IFIT3: variants seen among roughly 807,000 people sequenced by gnomAD.
The protein encoded by IFIT3 is interferon-induced protein with tetratricopeptide repeats 3.
In IFIT3, 2 loss-of-function variants were observed where a neutral mutation model predicts 2.4. The ratio of observed to expected loss-of-function variants is 0.82; its 90% CI spans 0.34 to 2.60. IFIT3 has a LOEUF of 2.60. Among genes scored for constraint, IFIT3 ranks in the 30% most tolerant of loss-of-function variants. The probability of loss-of-function intolerance (pLI) is 0.11; values close to 1 mark genes in which losing one functional copy is unlikely to be tolerated. For missense variants in IFIT3, 481 were observed against 562.4 expected, an observed-to-expected ratio of 0.86 and a Z score of 1.46; for synonymous variants, 203 against 212.1, an observed-to-expected ratio of 0.96 and a Z score of 0.37.
In IFIT3 at chr10:89,339,003, T is replaced by C. The variant is rs1564792310; in HGVS notation, c.348T>C (p.Tyr116=). The C allele has an allele frequency of 6.2e-7, 1 of 1,614,162 alleles. No individual in the cohort carries two copies. The highest frequency in any genetic ancestry group is 1.1e-5 in the South Asian group (1 of 91,086). The part of the protein sequence containing the change: ...HLGRLSDAQI[Y]VDKVKQTCKK... ...GCAGACTCTCAGATGCTCAGATTTATGTAGATAAGGTGAAACAAACCTGCA... is the reference window on the plus strand; with the variant it reads ...GCAGACTCTCAGATGCTCAGATTTACGTAGATAAGGTGAAACAAACCTGCA... Residue 116 remains tyrosine, a synonymous_variant, in exon 2 of 2, where the codon TAT becomes TAC. Transcript: ENST00000371818.
At chr10:89,332,553 T>G in intron 1 of IFIT3, 2 of 1,613,724 alleles carry the variant, frequency 1.2e-6, no homozygotes, top group South Asian at 2.2e-5. Flanking sequence ...AGCATTTGCT[T>G]GGAATCAGTA....
At chr10:89,332,357 C>A in intron 1 of IFIT3, 1 of 713,422 alleles carries the variant, frequency 1.4e-6, no homozygotes, top group Non-Finnish European at 2.1e-6. Flanking sequence ...TGCCTTTTTA[C>A]AACTTTCAAA....
At chr10:89,336,113 A>C (rs1244577176) in intron 1 of IFIT3, among the ~76,000 whole-genome samples, 1 of 151,204 alleles carries the variant, frequency 6.6e-6, no homozygotes, top group Non-Finnish European at 1.5e-5. Flanking sequence ...CTGTCTCTGC[A>C]AAAAAAGGAA....
chr10:89,332,351 T>G (rs1051717012), intron 1 of IFIT3: 1 of 671,588 alleles, frequency 1.5e-6, no homozygotes, highest in African/African-American at 1.8e-5. Context: ...TTACAGTGCC[T>G]TTTTACAACT....
At chr10:89,331,403 C>T (rs1589603992) in intron 1 of IFIT3, among the ~76,000 whole-genome samples, 1 of 152,096 alleles carries the variant, frequency 6.6e-6, no homozygotes, top group Non-Finnish European at 1.5e-5. Context: ...GAACTCCTGA[C>T]CTTAAGTGAT....
At position 89,338,796 on chromosome 10, in the gene IFIT3, T is replaced by C; in HGVS notation, c.141T>C (p.Thr47=). 6.2e-7 allele frequency: 1 copy of C among 1,614,114 alleles called. No homozygotes were observed. Among genetic ancestry groups the C allele is most frequent in the Non-Finnish European group, 8.5e-7 (1 of 1,179,976 alleles). The change falls in exon 2 of 2, where the codon ACT becomes ACC. Residue 47 remains threonine, a synonymous_variant. Transcript: ENST00000371818. ...GTAACCAGATTGAATTTTTAAACAC[T>C]GAGTTCAAAGCTACAATGTACAACT... ...RVCNQIEFLN[T]EFKATMYNLL...
intron 1 of IFIT3, chr10:89,332,618 C>A (rs756847003): frequency 6.2e-7 from 1 of 1,613,984 alleles, no homozygotes; most frequent in Non-Finnish European, 8.5e-7. Flanking sequence ...AGGGAAACAG[C>A]CATCATGAGG....
At chr10:89,331,272 A>C (rs933517503) in intron 1 of IFIT3, among the ~76,000 whole-genome samples, 3 of 152,144 alleles carry the variant, frequency 2.0e-5, no homozygotes, top group Non-Finnish European at 4.4e-5. Flanking sequence ...TCCTGGGCTC[A>C]AGGGATTCTC....
rs116903123 is a variant in IFIT3, at chr10:89,330,451, C to T, written c.5+2373C>T. The stretch of plus-strand genomic sequence containing the variant: ...ATCTTAATGCTTTCAACTATGCTCA[C>T]TTTAGAGAGGGGGCCAGGGATGGGC... On this transcript the variant is annotated intron_variant, in intron 1 of 1. Transcript: ENST00000371818. Among the ~76,000 whole-genome samples the T allele has an allele frequency of 1.7e-3, 260 of 152,270 alleles. 4 individuals carry two copies. In the East Asian group the frequency reaches 0.043, roughly 25 times the overall value.
chr10:89,334,507 TTTTTTTG>T, intron 1 of IFIT3, among the ~76,000 whole-genome samples: 1 of 104,752 alleles, frequency 9.5e-6, no homozygotes, highest in Non-Finnish European at 1.9e-5. Context: ...TTTTTTTTTT[TTTTTTTG>T]AGACGGAGTT....
chr10:89,331,858 CAAAAAAA>C lies in IFIT3; in HGVS notation c.5+3797_5+3803del, dbSNP rs10540155. On this transcript the variant is annotated intron_variant, in intron 1 of 1. Coordinates refer to ENST00000371818, the MANE Select transcript of IFIT3 (RefSeq NM_001549.6). ...TGGATGACAGAGTGAGATCCTGTCTCAAAAAAAAAAAAAAAAAAAAAAAGTAACAATC... is the reference window on the plus strand; with the variant it reads ...TGGATGACAGAGTGAGATCCTGTCTCAAAAAAAAAAAAAAAAGTAACAATC... 1.6e-3 allele frequency among the ~76,000 whole-genome samples: 126 copies of C among 80,618 alleles called. 1 individual carries two copies. The highest frequency in any genetic ancestry group is 4.7e-3 in the African/African-American group (106 of 22,706). The allele number at this position is 80,618 out of a possible 152,430, so 52.9% of individuals were successfully genotyped here. A position where few individuals can be genotyped will look rare whatever the true frequency, so the allele number is the denominator to read the frequency against.
In IFIT3 at chr10:89,340,250, A is replaced by G; in HGVS notation, c.*122A>G. On this transcript the variant is annotated 3_prime_UTR_variant, in exon 2 of 2. Transcript: ENST00000371818. ...CAGGGAAGCTTTGCATGTTGCTCTAAGGTACATTTTTAAAGAGTTGTTTTT... is the reference window on the plus strand; with the variant it reads ...CAGGGAAGCTTTGCATGTTGCTCTAGGGTACATTTTTAAAGAGTTGTTTTT... 9.4e-7 allele frequency: 1 copy of G among 1,069,298 alleles called. No individual in the cohort carries two copies. The highest frequency in any genetic ancestry group is 1.3e-6 in the Non-Finnish European group (1 of 765,644). The allele number at this position is 1,069,298 out of a possible 1,614,324, so 66.2% of individuals were successfully genotyped here.
chr10:89,332,059 C>T (rs941899595), intron 1 of IFIT3, among the ~76,000 whole-genome samples: 5 of 152,072 alleles, frequency 3.3e-5, no homozygotes, highest in East Asian at 3.9e-4. Flanking sequence ...GGTGAAACCC[C>T]GCCTCTACTA....
In IFIT3 at chr10:89,340,118, A is replaced by G; in HGVS notation, c.1463A>G (p.Gln488Arg). The G allele has an allele frequency of 6.3e-7, 1 of 1,593,146 alleles. No homozygotes were observed. Residue 488 changes from glutamine to arginine, a missense_variant, in exon 2 of 2, where the codon CAA becomes CGA. Coordinates refer to ENST00000371818, the MANE Select transcript of IFIT3 (RefSeq NM_001549.6). ...SPRELLSNSE[Q>R]LN ...AGAGAGCTCCTCTCTAACTCAGAGC[A>G]ACTGAACTGAGACAGAGGAGGAAAA...
chr10:89,331,486 C>T (rs1016638270), intron 1 of IFIT3, among the ~76,000 whole-genome samples: 1 of 152,254 alleles, frequency 6.6e-6, no homozygotes, highest in South Asian at 2.1e-4. Flanking sequence ...ATTTTCCATA[C>T]AGAGGCTAAC....
intron 1 of IFIT3, among the ~76,000 whole-genome samples, chr10:89,337,228 A>G (rs1843755938): frequency 6.6e-6 from 1 of 152,194 alleles, no homozygotes; most frequent in African/African-American, 2.4e-5. Context: ...CAAAACTGAA[A>G]GCACCTGGCG....
In IFIT3 at chr10:89,328,163, A is replaced by C. The variant is rs1843617204; in HGVS notation, c.5+85A>C. The stretch of plus-strand genomic sequence containing the variant: ...TTCTTACTGTGCAGGCACATTCCTG[A>C]ATTGTCCTGATGTTTATAGATTCAA... On this transcript the variant is annotated intron_variant, in intron 1 of 1. Transcript: ENST00000371818. 3.2e-6 allele frequency: 4 copies of C among 1,265,096 alleles called. No homozygotes were observed. In the East Asian group the frequency reaches 9.4e-5, roughly 30 times the overall value. The allele number at this position is 1,265,096 out of a possible 1,614,324, so 78.4% of individuals were successfully genotyped here. A position where few individuals can be genotyped will look rare whatever the true frequency, so the allele number is the denominator to read the frequency against.
chr10:89,335,622 C>G (rs1323532472), intron 1 of IFIT3: 1 of 151,604 alleles, frequency 6.6e-6, no homozygotes, highest in Non-Finnish European at 1.5e-5. Context: ...GCAAATACAT[C>G]CAACAATACA....
In IFIT3 at chr10:89,329,837, T is replaced by C. The variant is rs533564131; in HGVS notation, c.5+1759T>C. On this transcript the variant is annotated intron_variant, in intron 1 of 1. Transcript: ENST00000371818. ...GAGCAACAAGGCTGTTTATTTCACC[T>C]GGGTGCAGGTGGGCTGAGTCCGAAA... Among the ~76,000 whole-genome samples, 3 of 152,182 alleles carry C rather than the reference T, an allele frequency of 2.0e-5. No homozygotes were observed. The South Asian group carries it at 6.2e-4, about 32-fold the overall frequency.
Sources: gnomAD v4.1 joint callset for allele counts (sites outside exome capture counted in the v4.1 genomes callset) on GRCh38, gnomAD v4.1.1 for gene constraint, MANE v1.5 for transcripts, NCBI Gene and HGNC (gene_info 2026-07-23, HGNC 2026-07-21) for gene names.